FAM220A: variants seen among roughly 807,000 people sequenced by gnomAD.
The protein encoded by FAM220A is protein FAM220A.
For synonymous variants in FAM220A, 141 were observed against 130.7 expected (o/e 1.08, Z -0.54); for missense variants, 392 against 321.6 (o/e 1.22, Z -1.68).
intron 1 of FAM220A, among the ~76,000 whole-genome samples, chr7:6,343,897 G>C (rs1583241732): frequency 6.6e-6 from 1 of 151,966 alleles, no homozygotes; most frequent in Non-Finnish European, 1.5e-5. Flanking sequence ...GGATGGGTAT[G>C]GCTTTTTCTT....
chr7:6,341,199 C>T (rs949052845), intron 1 of FAM220A, among the ~76,000 whole-genome samples: 1 of 150,040 alleles, frequency 6.7e-6, no homozygotes, highest in Admixed American at 6.7e-5. Context: ...AATCCCAGCA[C>T]TTTGGGAGGC....
At chr7:6,336,739 G>A (rs1051626457) in intron 1 of FAM220A, among the ~76,000 whole-genome samples, 9 of 147,870 alleles carry the variant, frequency 6.1e-5, no homozygotes, top group Admixed American at 2.0e-4. Flanking sequence ...CTGCAGCCTC[G>A]ACTTCCTCAA....
chr7:6,333,160 A>G lies in FAM220A; in HGVS notation c.-81-1925T>C, dbSNP rs570395670. On this transcript the variant is annotated intron_variant, in intron 1 of 1. Coordinates refer to ENST00000313324, the MANE Select transcript of FAM220A (RefSeq NM_001037163.2). ...GACAGAGCAAGACTCCATCCCAAAT[A>G]AAAAAATCAAAAAAAAAAAAACAAA... Among the ~76,000 whole-genome samples, 693 of 110,562 alleles carry G rather than the reference A, an allele frequency of 6.3e-3. 8 individuals carry two copies. The highest frequency in any genetic ancestry group is 0.012 in the Admixed American group (107 of 9,062). 72.5% of individuals were successfully genotyped at this position (110,562 alleles called of 152,430 possible). A position where few individuals can be genotyped will look rare whatever the true frequency, so the allele number is the denominator to read the frequency against.
At chr7:6,335,101 C>G (rs1269974747) in intron 1 of FAM220A, among the ~76,000 whole-genome samples, 2 of 151,058 alleles carry the variant, frequency 1.3e-5, no homozygotes, top group Non-Finnish European at 3.0e-5. Flanking sequence ...CTCACTCTGT[C>G]ACCCAGGCTG....
chr7:6,340,596 T>C (rs548328962), intron 1 of FAM220A, among the ~76,000 whole-genome samples: 1 of 152,064 alleles, frequency 6.6e-6, no homozygotes, highest in South Asian at 2.1e-4. Flanking sequence ...GAGGGCAGGT[T>C]GACAATGACT....
chr7:6,348,505 G>C, intron 1 of FAM220A, 68 bp downstream of exon 1: 1 of 411,804 alleles, frequency 2.4e-6, no homozygotes, highest in Non-Finnish European at 4.3e-6. Context: ...CTGCCGTGGC[G>C]TCTGCATCCC....
chr7:6,332,528 C>T (rs1460154033), intron 1 of FAM220A, among the ~76,000 whole-genome samples: 1 of 152,058 alleles, frequency 6.6e-6, no homozygotes, highest in Admixed American at 6.6e-5. Flanking sequence ...AAAAACACCA[C>T]CACCCTCAGC....
In FAM220A at chr7:6,330,313, C is replaced by A. The variant is rs569803607; in HGVS notation, c.*62G>T. The A allele has an allele frequency of 1.3e-6, 2 of 1,487,726 alleles. No individual in the cohort carries two copies. Among genetic ancestry groups the A allele is most frequent in the East Asian group, 2.3e-5 (1 of 44,074 alleles). The allele number at this position is 1,487,726 out of a possible 1,614,324, so 92.2% of individuals were successfully genotyped here. ...GCACAGTTTGCATCCAGACTTAATG[C>A]GAAAGAAATCATTCTAAGACAACTC... On this transcript the variant is annotated 3_prime_UTR_variant, in exon 2 of 2. Coordinates refer to ENST00000313324, the MANE Select transcript of FAM220A (RefSeq NM_001037163.2).
chr7:6,342,486 C>T (rs1171461814), intron 1 of FAM220A, among the ~76,000 whole-genome samples: 1 of 152,004 alleles, frequency 6.6e-6, no homozygotes, highest in Admixed American at 6.6e-5. Context: ...TTGCAGTGAG[C>T]CAAGATCACA....
rs189691228 is a variant in FAM220A at position 6,339,728 on chromosome 7, C to G, written c.-81-8493G>C. On this transcript the variant is annotated intron_variant, in intron 1 of 1. Coordinates refer to ENST00000313324, the MANE Select transcript of FAM220A (RefSeq NM_001037163.2). Reference sequence around the variant, plus strand: ...CCTCATGATCCACCCACCTCAGCCTCCCAAAGTGCTGGGATTACAGGCAAG... The same window carrying G: ...CCTCATGATCCACCCACCTCAGCCTGCCAAAGTGCTGGGATTACAGGCAAG... Among the ~76,000 whole-genome samples the G allele has an allele frequency of 1.6e-4, 24 of 152,276 alleles. No individual in the cohort carries two copies. In the East Asian group the frequency reaches 1.9e-3, roughly 12 times the overall value.
rs1380067586 is a variant in FAM220A, at chr7:6,348,624, G to A, written c.-133C>T. 1.8e-5 allele frequency: 9 copies of A among 496,774 alleles called. No individual in the cohort carries two copies. The highest frequency in any genetic ancestry group is 5.1e-4 in the Middle Eastern group (1 of 1,944). 30.8% of individuals were successfully genotyped at this position (496,774 alleles called of 1,614,324 possible). A position where few individuals can be genotyped will look rare whatever the true frequency, so the allele number is the denominator to read the frequency against. On this transcript the variant is annotated 5_prime_UTR_variant, in exon 1 of 2. Coordinates refer to ENST00000313324, the MANE Select transcript of FAM220A (RefSeq NM_001037163.2). The stretch of plus-strand genomic sequence containing the variant: ...AAGCCACGATGTAGAGGTAGGGGAA[G>A]TTGATACGCAGCCGCCAGGCCAGGT...
At chr7:6,336,987 T>C (rs1781761277) in intron 1 of FAM220A, among the ~76,000 whole-genome samples, 1 of 152,052 alleles carries the variant, frequency 6.6e-6, no homozygotes, top group Non-Finnish European at 1.5e-5. Context: ...ATTTTGCTGA[T>C]GAAAATGTGC....
intron 1 of FAM220A, among the ~76,000 whole-genome samples, chr7:6,331,804 G>T (rs1242829473): frequency 6.9e-6 from 1 of 145,858 alleles, no homozygotes; most frequent in Non-Finnish European, 1.5e-5. Context: ...GCAATGGCAC[G>T]ATCTCGGCTC....
intron 1 of FAM220A, among the ~76,000 whole-genome samples, chr7:6,337,772 C>G (rs1214005629): frequency 2.6e-5 from 4 of 151,100 alleles, no homozygotes; most frequent in African/African-American, 4.9e-5. Flanking sequence ...ATTTAATTCT[C>G]TCATCAAAAA....
chr7:6,347,499 G>C (rs943416840), intron 1 of FAM220A, among the ~76,000 whole-genome samples: 1 of 150,314 alleles, frequency 6.7e-6, no homozygotes, highest in Non-Finnish European at 1.5e-5. Context: ...TTGGGCAAGA[G>C]TAAGACTCTG....
At chr7:6,342,220 C>T (rs1209301663) in intron 1 of FAM220A, among the ~76,000 whole-genome samples, 1 of 151,892 alleles carries the variant, frequency 6.6e-6, no homozygotes, top group Non-Finnish European at 1.5e-5. Context: ...TTCTTACTTT[C>T]TCTTTCTCTC....
rs1434976046 is a variant in FAM220A, at chr7:6,348,775, C to T, written c.-284G>A. 2.5e-6 allele frequency: 1 copy of T among 397,978 alleles called. No individual in the cohort carries two copies. The highest frequency in any genetic ancestry group is 4.4e-6 in the Non-Finnish European group (1 of 225,574). The allele number at this position is 397,978 out of a possible 1,614,324, so 24.7% of individuals were successfully genotyped here. On this transcript the variant is annotated 5_prime_UTR_variant, in exon 1 of 2. Coordinates refer to ENST00000313324, the MANE Select transcript of FAM220A (RefSeq NM_001037163.2). ...CGCCGCCATATAGAGACCGGCGCTCCCACAGCCCCCCCGCCCGCCCTCTCC... is the reference window on the plus strand; with the variant it reads ...CGCCGCCATATAGAGACCGGCGCTCTCACAGCCCCCCCGCCCGCCCTCTCC...
chr7:6,348,531 G>T, intron 1 of FAM220A, 42 bp downstream of exon 1: 2 of 416,654 alleles, frequency 4.8e-6, no homozygotes, highest in Non-Finnish European at 8.5e-6. Flanking sequence ...CGAGGCGGGC[G>T]CTCGGGGAGG....
intron 1 of FAM220A, among the ~76,000 whole-genome samples, chr7:6,343,726 A>C (rs936901286): frequency 6.6e-6 from 1 of 152,052 alleles, no homozygotes; most frequent in African/African-American, 2.4e-5. Flanking sequence ...TTTCTCATTT[A>C]ATCATCTTTC....
Sources: allele counts gnomAD v4.1 joint callset (sites outside exome capture counted in the v4.1 genomes callset), GRCh38; gene constraint gnomAD v4.1.1; transcripts MANE v1.5; gene names NCBI Gene and HGNC (gene_info 2026-07-23, HGNC 2026-07-21).